The following CCDC7 variants were observed in gnomAD, a reference collection of about 807,000 sequenced individuals.
The protein encoded by CCDC7 is coiled-coil domain containing 7.
CCDC7 carries 183 observed loss-of-function variants against 196.9 expected under a neutral mutation model. The observed-to-expected ratio is 0.93, with a 90% CI of 0.82 to 1.05. The LOEUF (loss-of-function observed/expected upper bound fraction) is 1.05. Among genes scored for constraint, CCDC7 ranks in the 50% least tolerant of loss-of-function variants. The pLI, the probability that CCDC7 is intolerant of heterozygous loss-of-function variation, is 0.00. For synonymous variants in CCDC7, 525 were observed against 484.6 expected, an observed-to-expected ratio of 1.08 and a Z score of -1.10; for missense variants, 1,540 against 1,482.2, an observed-to-expected ratio of 1.04 and a Z score of -0.64.
At chr10:32,665,643 G>A (rs2072505218) in intron 21 of CCDC7, among the ~76,000 whole-genome samples, 1 of 152,016 alleles carries the variant, frequency 6.6e-6, no homozygotes, top group Admixed American at 6.6e-5. Flanking sequence ...TTTAAAATTA[G>A]GATGTACAGT....
chr10:32,717,669 A>T (rs2081820467), intron 25 of CCDC7, among the ~76,000 whole-genome samples: 1 of 152,160 alleles, frequency 6.6e-6, no homozygotes, highest in Non-Finnish European at 1.5e-5. Context: ...AATCAAATAG[A>T]CACAATAAAA....
chr10:32,654,721 C>G (rs758281503), intron 20 of CCDC7, among the ~76,000 whole-genome samples: 3 of 152,104 alleles, frequency 2.0e-5, no homozygotes, highest in Non-Finnish European at 4.4e-5. Flanking sequence ...CTGCCTTAGC[C>G]TTCATTTCCT....
intron 28 of CCDC7, among the ~76,000 whole-genome samples, chr10:32,760,663 T>G (rs1211173189): frequency 6.6e-6 from 1 of 151,648 alleles, no homozygotes; most frequent in Non-Finnish European, 1.5e-5. Flanking sequence ...AATTAATGGG[T>G]GCAGCACACC....
rs577252795 is a variant in CCDC7, at chr10:32,690,021, C to T, written c.2344+858C>T. On this transcript the variant is annotated intron_variant, in intron 23 of 41. Transcript: ENST00000639629. ...AAGTGCTGGCATTGCAGGTGTGAGC[C>T]GTTGCACCTAGCCTGGGCTTATTTT... is the stretch of plus-strand genomic sequence containing the variant. 1.6e-3 allele frequency among the ~76,000 whole-genome samples: 245 copies of T among 152,272 alleles called. 2 individuals carry two copies. The highest frequency in any genetic ancestry group is 5.6e-3 in the African/African-American group (234 of 41,556).
intron 39 of CCDC7, among the ~76,000 whole-genome samples, chr10:32,849,840 G>T (rs1164983087): frequency 1.3e-5 from 2 of 151,994 alleles, no homozygotes; most frequent in Admixed American, 1.3e-4. Context: ...ATTACAGAAA[G>T]AAATTGCCAT....
At chr10:32,636,991 A>AT (rs1280822228) in intron 20 of CCDC7, among the ~76,000 whole-genome samples, 1 of 152,026 alleles carries the variant, frequency 6.6e-6, no homozygotes, top group Non-Finnish European at 1.5e-5. Context: ...GATGATGAGC[A>AT]TTTTTTCATG....
chr10:32,675,106 T>C (rs927699410), intron 21 of CCDC7, among the ~76,000 whole-genome samples: 5 of 152,124 alleles, frequency 3.3e-5, no homozygotes, highest in Admixed American at 3.3e-4. Context: ...AAAATTATTA[T>C]TGCTAGGTGA....
intron 2 of CCDC7, 139 bp downstream of exon 3, chr10:32,453,575 C>A: frequency 1.6e-6 from 1 of 625,608 alleles, no homozygotes; most frequent in South Asian, 7.6e-5. Flanking sequence ...TGAAAATGAT[C>A]CTCTTAGAAA....
At chr10:32,748,772 G>T (rs2075221514) in intron 28 of CCDC7, among the ~76,000 whole-genome samples, 1 of 152,136 alleles carries the variant, frequency 6.6e-6, no homozygotes, top group African/African-American at 2.4e-5. Context: ...AGGCTTGTTA[G>T]GCTCTGATAA....
intron 24 of CCDC7, among the ~76,000 whole-genome samples, chr10:32,704,425 G>A (rs895281505): frequency 3.9e-5 from 6 of 152,076 alleles, no homozygotes; most frequent in Admixed American, 3.3e-4. Flanking sequence ...CCCTACTGGG[G>A]GGTGCCTCCC....
intron 20 of CCDC7, among the ~76,000 whole-genome samples, chr10:32,636,914 C>T (rs952477231): frequency 3.5e-4 from 53 of 152,038 alleles, no homozygotes; most frequent in Admixed American, 5.9e-4. Flanking sequence ...TTTTAATGAT[C>T]GCCATTCTAA....
intron 20 of CCDC7, among the ~76,000 whole-genome samples, chr10:32,637,850 TC>T (rs1272336858): frequency 2.6e-5 from 4 of 152,256 alleles, no homozygotes; most frequent in African/African-American, 4.8e-5. Flanking sequence ...TATTGATTCT[TC>T]CTTCCCATGA....
At chr10:32,865,809 G>C (rs1276548147) in intron 41 of CCDC7, among the ~76,000 whole-genome samples, 2 of 151,688 alleles carry the variant, frequency 1.3e-5, no homozygotes. Context: ...GATCCTTTTT[G>C]TGCATTTTAA....
At chr10:32,541,543 C>T (rs934966282) in intron 11 of CCDC7, among the ~76,000 whole-genome samples, 1 of 152,244 alleles carries the variant, frequency 6.6e-6, no homozygotes, top group African/African-American at 2.4e-5. Context: ...GAATGGCCAG[C>T]TGAGTTCGGC....
chr10:32,729,255 A>C (rs2083557776), intron 27 of CCDC7, 77 bp from the exon 29 acceptor site: 12 of 1,353,754 alleles, frequency 8.9e-6, no homozygotes, highest in Non-Finnish European at 7.1e-6. Flanking sequence ...TTCTCATTTT[A>C]CTTCCATGGG....
At chr10:32,876,949 G>A (rs1013591707), downstream of CCDC7, 2 of 151,960 alleles carry the variant, frequency 1.3e-5, no homozygotes, top group Non-Finnish European at 2.9e-5. Flanking sequence ...CCCAATCTGG[G>A]TTATCACTGA....
At chr10:32,797,205 A>T (rs1489640535) in intron 29 of CCDC7, among the ~76,000 whole-genome samples, 10 of 145,576 alleles carry the variant, frequency 6.9e-5, no homozygotes, top group Admixed American at 6.8e-4. Flanking sequence ...ATATATATAC[A>T]CACATATACA....
At chr10:32,511,419 T>C (rs192193584) in intron 9 of CCDC7, 3 of 1,610,424 alleles carry the variant, frequency 1.9e-6, no homozygotes, top group Non-Finnish European at 2.5e-6. Flanking sequence ...CTGTCCAGCT[T>C]GCCAGCCTTT....
At chr10:32,765,126 GAC>G (rs2078068486) in intron 28 of CCDC7, among the ~76,000 whole-genome samples, 1 of 151,878 alleles carries the variant, frequency 6.6e-6, no homozygotes, top group South Asian at 2.1e-4. Flanking sequence ...ACAGACCCAG[GAC>G]CCCTTGAAGG....
Sources: gnomAD v4.1 joint callset for allele counts (sites outside exome capture counted in the v4.1 genomes callset) on GRCh38, gnomAD v4.1.1 for gene constraint, MANE v1.5 for transcripts, NCBI Gene and HGNC (gene_info 2026-07-23, HGNC 2026-07-21) for gene names.